Variants in ADGRE1 observed in about 807,000 individuals in gnomAD.
ADGRE1 encodes adhesion G protein-coupled receptor E1.
In ADGRE1, 82 loss-of-function variants were observed where a neutral mutation model predicts 102.7. That is an observed-to-expected ratio of 0.80 (90% CI 0.67 to 0.96). The LOEUF (loss-of-function observed/expected upper bound fraction) is 0.96, where lower values mean the gene tolerates loss of function less well. ADGRE1 is among the 40% of genes least tolerant of loss of function. The probability of loss-of-function intolerance (pLI) is 0.00; values close to 1 mark genes in which losing one functional copy is unlikely to be tolerated. For synonymous variants in ADGRE1, 398 were observed against 399.6 expected, an observed-to-expected ratio of 1.00 and a Z score of 0.05; for missense variants, 1,032 against 1,085.3, an observed-to-expected ratio of 0.95 and a Z score of 0.69.
At chr19:6,890,408 T>C in intron 1 of ADGRE1, 73 bp from the exon 2 acceptor site, 2 of 1,433,528 alleles carry the variant, frequency 1.4e-6, no homozygotes, top group South Asian at 1.3e-5. Context: ...ATTTTGCAGG[T>C]TGAGCCCAAA....
chr19:6,907,187 C>T (rs1973992618), intron 9 of ADGRE1, among the ~76,000 whole-genome samples: 2 of 152,066 alleles, frequency 1.3e-5, no homozygotes, highest in African/African-American at 2.4e-5. Context: ...CTATGGGCTT[C>T]CCACATGCCT....
intron 12 of ADGRE1, among the ~76,000 whole-genome samples, chr19:6,918,106 T>A (rs1238702825): frequency 2.0e-5 from 3 of 152,082 alleles, no homozygotes; most frequent in Admixed American, 2.0e-4. Context: ...AGGTTCCAGA[T>A]CAGGTAATAT....
At chr19:6,913,551 C>A in intron 10 of ADGRE1, 102 bp from the exon 11 acceptor site, 1 of 1,168,588 alleles carries the variant, frequency 8.6e-7, no homozygotes, top group Non-Finnish European at 1.2e-6. Context: ...TTTAATTCTC[C>A]TTTGGATGGA....
chr19:6,914,459 A>C (rs1377164289), intron 11 of ADGRE1, among the ~76,000 whole-genome samples: 1 of 152,214 alleles, frequency 6.6e-6, no homozygotes, highest in East Asian at 1.9e-4. Context: ...TCCTTTCCTG[A>C]CTGATACATA....
At chr19:6,906,771 C>T (rs1973973197) in intron 9 of ADGRE1, among the ~76,000 whole-genome samples, 1 of 152,158 alleles carries the variant, frequency 6.6e-6, no homozygotes, top group South Asian at 2.1e-4. Flanking sequence ...CTCCTGCCCT[C>T]ACATCTGCAT....
At chr19:6,890,444 TGGTGGTTCA>T in intron 1 of ADGRE1, 28 bp from the exon 2 acceptor site, 1 of 1,091,574 alleles carries the variant, frequency 9.2e-7, no homozygotes, top group Admixed American at 3.1e-5. Context: ...TTTTTTTTTT[TGGTGGTTCA>T]TGGTGTTTTT....
intron 16 of ADGRE1, 28 bp from the exon 17 acceptor site, chr19:6,928,117 C>T (rs778538976): frequency 2.4e-5 from 39 of 1,607,284 alleles, no homozygotes; most frequent in South Asian, 5.6e-5. Flanking sequence ...CTGAGACAAG[C>T]GCTGACTCCT....
intron 10 of ADGRE1, among the ~76,000 whole-genome samples, chr19:6,912,596 T>C (rs943895783): frequency 1.3e-5 from 2 of 152,228 alleles, no homozygotes; most frequent in Non-Finnish European, 2.9e-5. Flanking sequence ...CAATACTATA[T>C]ACATGATACT....
chr19:6,913,735 C>T lies in ADGRE1; in HGVS notation c.1205C>T (p.Ala402Val), dbSNP rs1042161180. Residue 402 changes from alanine (A) to valine (V), a missense_variant, in exon 11 of 21, where the codon GCC becomes GTC. Ala to Val is a moderately conservative substitution (Grantham distance 64, BLOSUM62 0). Transcript: ENST00000312053. ...KFTKEETSSL[A>V]TVFLESVESM... The stretch of plus-strand genomic sequence containing the variant: ...ACCAAGGAAGAGACGTCCTCCCTGG[C>T]CACAGTCTTCCTGGAGAGTGTGGAA... 10 of 1,613,228 alleles carry T rather than the reference C, an allele frequency of 6.2e-6. No homozygotes were observed. Among genetic ancestry groups the T allele is most frequent in the African/African-American group, 1.3e-5 (1 of 74,918 alleles).
At chr19:6,919,179 C>T (rs976064874) in intron 12 of ADGRE1, among the ~76,000 whole-genome samples, 15 of 152,052 alleles carry the variant, frequency 9.9e-5, no homozygotes, top group African/African-American at 2.4e-4. Context: ...GCTACAGGTG[C>T]GCATCACCAC....
intron 13 of ADGRE1, among the ~76,000 whole-genome samples, chr19:6,921,348 G>A (rs1039896548): frequency 5.3e-5 from 8 of 152,096 alleles, no homozygotes; most frequent in South Asian, 2.1e-4. Flanking sequence ...CTTGAACCCC[G>A]GAGGCAGAGG....
intron 5 of ADGRE1, among the ~76,000 whole-genome samples, chr19:6,899,249 A>C (rs997261423): frequency 1.3e-5 from 2 of 152,190 alleles, no homozygotes; most frequent in Admixed American, 1.3e-4. Context: ...TCAACCGGTG[A>C]TGGTGGGGAG....
At chr19:6,911,384 A>AGTTTTTTTTTT (rs1974169226) in intron 10 of ADGRE1, among the ~76,000 whole-genome samples, 1 of 34,768 alleles carries the variant, frequency 2.9e-5, no homozygotes, top group African/African-American at 6.2e-5. Context: ...GATTCCTTTT[A>AGTTTTTTTTTT]GTTTTTTTTT....
At chr19:6,918,203 G>T (rs1974475125) in intron 12 of ADGRE1, among the ~76,000 whole-genome samples, 1 of 152,150 alleles carries the variant, frequency 6.6e-6, no homozygotes, top group East Asian at 1.9e-4. Flanking sequence ...ACTTTGGGAG[G>T]CCAAGGCGGG....
intron 18 of ADGRE1, among the ~76,000 whole-genome samples, chr19:6,936,594 C>A (rs908262992): frequency 6.7e-6 from 1 of 149,366 alleles, no homozygotes; most frequent in Non-Finnish European, 1.5e-5. Context: ...CAGTGTTGGG[C>A]AGTGACCGCC....
chr19:6,913,960 A>G (rs1974290363), intron 11 of ADGRE1, 130 bp downstream of exon 11: 6 of 1,037,374 alleles, frequency 5.8e-6, no homozygotes, highest in Non-Finnish European at 8.3e-6. Context: ...AATTCACAGC[A>G]AAGCAAGTCT....
intron 15 of ADGRE1, 70 bp from the exon 16 acceptor site, chr19:6,926,295 CT>C: frequency 6.5e-7 from 1 of 1,539,118 alleles, no homozygotes; most frequent in Non-Finnish European, 8.9e-7. Flanking sequence ...CGAGGAGTCT[CT>C]CTCTTCCTTT....
At chr19:6,931,718 A>AC (rs1370858857) in intron 17 of ADGRE1, among the ~76,000 whole-genome samples, 1 of 151,202 alleles carries the variant, frequency 6.6e-6, no homozygotes, top group Admixed American at 6.6e-5. Context: ...GAATAACTTG[A>AC]CCCCTGGAGG....
chr19:6,915,316 T>C (rs1313360102), intron 11 of ADGRE1, among the ~76,000 whole-genome samples: 1 of 152,170 alleles, frequency 6.6e-6, no homozygotes, highest in Non-Finnish European at 1.5e-5. Context: ...CAAGATTTTA[T>C]TTGAAGATGA....
Sources: allele counts gnomAD v4.1 joint callset (sites outside exome capture counted in the v4.1 genomes callset), GRCh38; gene constraint gnomAD v4.1.1; transcripts MANE v1.5; gene names NCBI Gene and HGNC (gene_info 2026-07-23, HGNC 2026-07-21).